The following RP2 variants were observed in gnomAD, a reference collection of about 807,000 sequenced individuals.
The protein encoded by RP2 is RP2 activator of ARL3 GTPase, also known as protein XRP2.
In RP2, 3 loss-of-function variants were observed where a neutral mutation model predicts 20.3. That is an observed-to-expected ratio of 0.15 (90% CI 0.07 to 0.38). The LOEUF (loss-of-function observed/expected upper bound fraction) is 0.38. Ranked by LOEUF, RP2 falls within the 10% of genes least tolerant of loss-of-function variation. The probability of loss-of-function intolerance (pLI) is 1.00; values close to 1 mark genes in which losing one functional copy is unlikely to be tolerated. For synonymous variants in RP2, 75 were observed against 94.8 expected (o/e 0.79, Z 1.22); for missense variants, 233 against 268.5 (o/e 0.87, Z 0.92).
intron 1 of RP2, among the ~76,000 whole-genome samples, chrX:46,841,913 A>G (rs1047141337): frequency 1.8e-5 from 2 of 112,147 alleles, no homozygotes; most frequent in Non-Finnish European, 3.8e-5. Flanking sequence ...AATTCATTCT[A>G]TCTAACTGTA....
At chrX:46,856,853 C>T (rs1425415214) in intron 2 of RP2, among the ~76,000 whole-genome samples, 1 of 111,754 alleles carries the variant, frequency 8.9e-6, no homozygotes, top group African/African-American at 3.3e-5. Flanking sequence ...AAATAAAATA[C>T]CAAGTACATG....
At chrX:46,868,399 C>T (rs782807646) in intron 3 of RP2, among the ~76,000 whole-genome samples, 2 of 110,143 alleles carry the variant, frequency 1.8e-5, no homozygotes, top group South Asian at 7.8e-4. Context: ...TGGTGTCATG[C>T]GCCTGTAGCC....
chrX:46,866,407 C>A (rs1283927021), intron 3 of RP2, among the ~76,000 whole-genome samples: 1 of 111,986 alleles, frequency 8.9e-6, no homozygotes, highest in Non-Finnish European at 1.9e-5. Flanking sequence ...TGACCCTAAT[C>A]CAGCACCACA....
At chrX:46,877,011 T>C (rs1334530639) in intron 3 of RP2, among the ~76,000 whole-genome samples, 16 of 112,411 alleles carry the variant, frequency 1.4e-4, no homozygotes, top group African/African-American at 4.5e-4. Flanking sequence ...TTTCAGATGG[T>C]CATCACTTTT....
At chrX:46,857,953 GT>G (rs1924994879) in intron 2 of RP2, among the ~76,000 whole-genome samples, 1 of 111,694 alleles carries the variant, frequency 9.0e-6, no homozygotes, top group African/African-American at 3.3e-5. Context: ...TTAAATGTAT[GT>G]TTCTTTTTTT....
At chrX:46,838,706 G>A (rs1049928341) in intron 1 of RP2, among the ~76,000 whole-genome samples, 1 of 112,086 alleles carries the variant, frequency 8.9e-6, no homozygotes, top group African/African-American at 3.2e-5. Flanking sequence ...TAATATTCAG[G>A]TTAGTTAGGA....
chrX:46,847,933 T>C (rs1357978181), intron 1 of RP2, among the ~76,000 whole-genome samples: 1 of 28,331 alleles, frequency 3.5e-5, no homozygotes, highest in Non-Finnish European at 6.0e-5. Context: ...TATATACATA[T>C]ATATATATAT....
rs1280703544 is a variant in RP2, at chrX:46,847,758, A to G, written c.103-5718A>G. Among the ~76,000 whole-genome samples, 84 of 87,637 alleles carry G rather than the reference A, an allele frequency of 9.6e-4. 1 individual carries two copies. The highest frequency in any genetic ancestry group is 1.5e-3 in the South Asian group (3 of 2,015). The allele number at this position is 87,637 out of a possible 115,157, so 76.1% of individuals were successfully genotyped here. A position where few individuals can be genotyped will look rare whatever the true frequency, so the allele number is the denominator to read the frequency against. On this transcript the variant is annotated intron_variant, in intron 1 of 4. Transcript: ENST00000218340. ...TATACACACATATGTGTGTGTGTAT[A>G]TACACACATGTGTGTGTGTACATAC...
At chrX:46,861,193 G>T (rs782091374) in intron 3 of RP2, among the ~76,000 whole-genome samples, 3 of 112,280 alleles carry the variant, frequency 2.7e-5, no homozygotes, top group Non-Finnish European at 1.9e-5. Context: ...ATCCTAAAGT[G>T]TGAGAGTTAG....
chrX:46,846,836 A>G (rs1924723172), intron 1 of RP2, among the ~76,000 whole-genome samples: 1 of 110,426 alleles, frequency 9.1e-6, no homozygotes, highest in African/African-American at 3.3e-5. Context: ...CAATCTTCCC[A>G]CTTCAGCCTC....
intron 3 of RP2, among the ~76,000 whole-genome samples, chrX:46,861,156 T>C (rs1925055288): frequency 8.9e-6 from 1 of 111,832 alleles, no homozygotes; most frequent in Admixed American, 9.6e-5. Flanking sequence ...CTTTTGGAAA[T>C]TGAATCAGGT....
intron 1 of RP2, among the ~76,000 whole-genome samples, chrX:46,839,882 T>C (rs918934425): frequency 1.8e-5 from 2 of 112,846 alleles, no homozygotes; most frequent in Admixed American, 9.4e-5. Context: ...GACTTTTACA[T>C]GTAAAAACAA....
intron 3 of RP2, among the ~76,000 whole-genome samples, chrX:46,875,044 AT>A (rs782436650): frequency 9.1e-6 from 1 of 110,108 alleles, no homozygotes. Context: ...TTATTTTTTA[AT>A]TTTTTTTGGC....
At chrX:46,854,771 A>T (rs1447013793) in intron 2 of RP2, among the ~76,000 whole-genome samples, 3 of 104,231 alleles carry the variant, frequency 2.9e-5, no homozygotes, top group African/African-American at 1.0e-4. Context: ...AGAAAATGCA[A>T]TTTTTTTTTT....
chrX:46,856,904 T>C (rs1013984752), intron 2 of RP2, among the ~76,000 whole-genome samples: 7 of 112,143 alleles, frequency 6.2e-5, no homozygotes, highest in African/African-American at 2.3e-4. Context: ...AAAAGACTTA[T>C]ATATTATATT....
chrX:46,860,057 G>GT lies in RP2; in HGVS notation c.843dup (p.Arg282SerfsTer6). The stretch of plus-strand genomic sequence containing the variant: ...CATGAAAGCTGAGGATGCTCAAAGG[G>GT]TTTTTCGGGAAAAAGCACCTGACTT... On this transcript the variant is annotated frameshift_variant, in exon 3 of 5. Coordinates refer to ENST00000218340, the MANE Select transcript of RP2 (RefSeq NM_006915.3). LOFTEE classifies it high-confidence loss of function. 8.3e-7 allele frequency: 1 copy of GT among 1,210,037 alleles called. No homozygotes were observed. Among genetic ancestry groups the GT allele is most frequent in the Non-Finnish European group, 1.1e-6 (1 of 894,060 alleles).
chrX:46,872,455 C>T (rs1235216698), intron 3 of RP2, among the ~76,000 whole-genome samples: 3 of 111,370 alleles, frequency 2.7e-5, no homozygotes, highest in African/African-American at 9.8e-5. Flanking sequence ...TTTGTAATTC[C>T]ACTTAATCTT....
chrX:46,862,996 C>T (rs1436588533), intron 3 of RP2, among the ~76,000 whole-genome samples: 3 of 112,258 alleles, frequency 2.7e-5, no homozygotes, highest in East Asian at 2.8e-4. Flanking sequence ...TACAAGACAA[C>T]TGGCTAGGTC....
intron 2 of RP2, among the ~76,000 whole-genome samples, chrX:46,859,579 G>C (rs1485249033): frequency 9.0e-6 from 1 of 110,682 alleles, no homozygotes; most frequent in Non-Finnish European, 1.9e-5. Context: ...TAACATCTTT[G>C]TTGTATTTAA....
Sources: gnomAD v4.1 joint callset for allele counts (sites outside exome capture counted in the v4.1 genomes callset) on GRCh38, gnomAD v4.1.1 for gene constraint, MANE v1.5 for transcripts, NCBI Gene and HGNC (gene_info 2026-07-23, HGNC 2026-07-21) for gene names.